Variants in BOC observed in about 807,000 individuals in gnomAD.
BOC encodes BOC cell adhesion associated, oncogene regulated, also known as brother of CDO.
Under a neutral mutation model 112.0 loss-of-function variants are expected in BOC, and 76 were observed. The ratio of observed to expected loss-of-function variants is 0.68; its 90% CI spans 0.56 to 0.82. BOC has a LOEUF of 0.82. Ranked by LOEUF, BOC falls within the 40% of genes least tolerant of loss-of-function variation. BOC has a pLI of 0.00. For missense variants in BOC, 1,309 were observed against 1,511.7 expected (o/e 0.87, Z 2.22); for synonymous variants, 580 against 599.8 (o/e 0.97, Z 0.48).
At chr3:113,285,306 A>AG (rs937910182) in intron 18 of BOC, 66 bp from the exon 19 acceptor site, 1 of 1,508,050 alleles carries the variant, frequency 6.6e-7, no homozygotes, top group African/African-American at 1.4e-5. Context: ...GACAGCCAGC[A>AG]GGGGGATGGG....
At chr3:113,260,977 G>T (rs2107540113) in intron 4 of BOC, among the ~76,000 whole-genome samples, 1 of 152,268 alleles carries the variant, frequency 6.6e-6, no homozygotes, top group Admixed American at 6.5e-5. Flanking sequence ...ATGCCAAAAA[G>T]GTTGGGGACC....
chr3:113,266,135 C>T (rs556336565), intron 4 of BOC, among the ~76,000 whole-genome samples: 11 of 152,346 alleles, frequency 7.2e-5, no homozygotes, highest in African/African-American at 2.6e-4. Flanking sequence ...GACCCGCAGG[C>T]ATCATGCTTG....
Position 113,280,267 on chromosome 3 carries a change from C to G in BOC, c.2205+262C>G, listed in dbSNP as rs547165430. Among the ~76,000 whole-genome samples the G allele has an allele frequency of 3.3e-5, 5 of 151,828 alleles. No individual in the cohort carries two copies. The East Asian group carries it at 9.7e-4, about 29-fold the overall frequency. Reference sequence around the variant, plus strand: ...CAACTGTTCAGGGCCCCTTCTCAGCCACAGGGGCCCCTCACATGTCCAGGG... The same window carrying G: ...CAACTGTTCAGGGCCCCTTCTCAGCGACAGGGGCCCCTCACATGTCCAGGG... On this transcript the variant is annotated intron_variant, in intron 13 of 19. Coordinates refer to ENST00000682979, the MANE Select transcript of BOC (RefSeq NM_001378074.1).
chr3:113,250,762 G>A lies in BOC; in HGVS notation c.305G>A (p.Gly102Glu). The change falls in exon 4 of 20, where the codon GGA becomes GAA. Residue 102 changes from glycine (G) to glutamate (E), a missense_variant. By Grantham distance (98) the Gly-to-Glu change is moderately conservative. Transcript: ENST00000682979. ...VITALNNHTV[G>E]RYQCVARMPA... ...ACTGCCCTTAACAACCACACTGTGG[G>A]ACGGTACCAGTGTGTGGCCCGGATG... 1 of 1,614,176 alleles carries A rather than the reference G, an allele frequency of 6.2e-7. No homozygotes were observed. Among genetic ancestry groups the A allele is most frequent in the Non-Finnish European group, 8.5e-7 (1 of 1,180,016 alleles).
At chr3:113,225,286 C>A (rs75379306) in intron 2 of BOC, among the ~76,000 whole-genome samples, 12,292 of 147,654 alleles carry the variant, frequency 0.083, 506 homozygotes, top group African/African-American at 0.1. Flanking sequence ...AAAAAAACAA[C>A]AAAAAAAAAC....
chr3:113,228,443 C>T (rs1021619680), intron 2 of BOC, among the ~76,000 whole-genome samples: 6 of 152,004 alleles, frequency 3.9e-5, no homozygotes, highest in Non-Finnish European at 8.8e-5. Context: ...CTGTGCCTGG[C>T]CCCCAGATTC....
rs1194335898 is a variant in BOC, at chr3:113,282,663, G to A, written c.2435-748G>A. Among the ~76,000 whole-genome samples the A allele has an allele frequency of 2.6e-5, 4 of 152,132 alleles. No individual in the cohort carries two copies. The East Asian group carries it at 5.8e-4, about 22-fold the overall frequency. On this transcript the variant is annotated intron_variant, in intron 15 of 19. Coordinates refer to ENST00000682979, the MANE Select transcript of BOC (RefSeq NM_001378074.1). ...TCTTTAGGATATAGGTAGAAGTCAC[G>A]GGACTAGGTGAGAATATACAGAGAG...
chr3:113,234,750 T>C (rs1943190952), intron 2 of BOC, among the ~76,000 whole-genome samples: 1 of 150,444 alleles, frequency 6.6e-6, no homozygotes, highest in Admixed American at 6.6e-5. Context: ...TTCTATCTGC[T>C]CCTCTCAGCA....
At chr3:113,272,837 C>T in intron 7 of BOC, 134 bp downstream of exon 7, 1 of 1,194,400 alleles carries the variant, frequency 8.4e-7, no homozygotes. Flanking sequence ...AACAGGCATG[C>T]TGAAGAGTCA....
chr3:113,270,768 TC>T, intron 5 of BOC, 32 bp from the exon 6 acceptor site: 1 of 1,581,684 alleles, frequency 6.3e-7, no homozygotes, highest in Non-Finnish European at 8.6e-7. Context: ...TCTGGACCCA[TC>T]CCATCTTCCC....
intron 6 of BOC, 62 bp downstream of exon 6, chr3:113,271,006 G>C (rs781378917): frequency 6.2e-7 from 1 of 1,608,728 alleles, no homozygotes; most frequent in Non-Finnish European, 8.5e-7. Flanking sequence ...TCACAAAGAT[G>C]GAAAGGGAGG....
At chr3:113,262,371 CTA>C (rs1288931043) in intron 4 of BOC, among the ~76,000 whole-genome samples, 1 of 152,172 alleles carries the variant, frequency 6.6e-6, no homozygotes, top group Non-Finnish European at 1.5e-5. Context: ...TGGTTAGGAG[CTA>C]TGTCTTTTCT....
intron 2 of BOC, among the ~76,000 whole-genome samples, chr3:113,237,572 A>G (rs1943736306): frequency 6.6e-6 from 1 of 152,302 alleles, no homozygotes; most frequent in South Asian, 2.1e-4. Context: ...AAGGAAAACA[A>G]AAGAAGCTTC....
rs887364370 is a variant in BOC at position 113,278,036 on chromosome 3, A to G, written c.1543-59A>G. 6.3e-6 allele frequency: 10 copies of G among 1,592,534 alleles called. No homozygotes were observed. The East Asian group carries it at 1.8e-4, about 28-fold the overall frequency. ...CTCAGCGCTGCTTTCTTTGTAAACCATAGCCCACTCGTAGCCCGAGGCTGA... is the reference window on the plus strand; with the variant it reads ...CTCAGCGCTGCTTTCTTTGTAAACCGTAGCCCACTCGTAGCCCGAGGCTGA... On this transcript the variant is annotated intron_variant, in intron 9 of 19. Transcript: ENST00000682979. The surrounding 1 kb of genome is among the most constrained non-coding windows in gnomAD (Gnocchi z 4.2).
At chr3:113,232,175 G>T (rs1342063671) in intron 2 of BOC, among the ~76,000 whole-genome samples, 2 of 152,118 alleles carry the variant, frequency 1.3e-5, no homozygotes, top group Non-Finnish European at 2.9e-5. Flanking sequence ...AAACAGTGGT[G>T]CCTGATCCAG....
At chr3:113,254,551 AG>A (rs199714392) in intron 4 of BOC, among the ~76,000 whole-genome samples, 1,654 of 152,314 alleles carry the variant, frequency 0.011, 25 homozygotes, top group African/African-American at 0.038. Flanking sequence ...CTGATGTATG[AG>A]GGAGGCCAAG....
intron 16 of BOC, 146 bp downstream of exon 16, chr3:113,283,778 G>A: frequency 2.7e-6 from 2 of 731,802 alleles, no homozygotes; most frequent in Non-Finnish European, 4.4e-6. Flanking sequence ...CCAACGACTG[G>A]GCCCCTCCCC....
Position 113,274,900 on chromosome 3 carries a change from G to A in BOC, c.1542+218G>A, listed in dbSNP as rs904323282. On this transcript the variant is annotated intron_variant, in intron 9 of 19. Transcript: ENST00000682979. The surrounding 1 kb of genome is among the most constrained non-coding windows in gnomAD (Gnocchi z 4.8). ...GTGTGTGGGACCCTGGAAGGCCCAG[G>A]AAAAAGCCTTGTGCGTGCATCCAGT... Among the ~76,000 whole-genome samples, 1 of 152,204 alleles carries A rather than the reference G, an allele frequency of 6.6e-6. No individual in the cohort carries two copies. The highest frequency in any genetic ancestry group is 2.4e-5 in the African/African-American group (1 of 41,458).
chr3:113,233,579 C>T (rs1943003542), intron 2 of BOC, among the ~76,000 whole-genome samples: 1 of 152,254 alleles, frequency 6.6e-6, no homozygotes, highest in South Asian at 2.1e-4. Context: ...TTCACCTTGG[C>T]ATCTCAGGTG....
Sources: gnomAD v4.1 joint callset for allele counts (sites outside exome capture counted in the v4.1 genomes callset) on GRCh38, gnomAD v4.1.1 for gene constraint, Gnocchi (gnomAD v3.1) non-coding constraint, MANE v1.5 for transcripts, NCBI Gene and HGNC (gene_info 2026-07-23, HGNC 2026-07-21) for gene names.